Variants in ST8SIA6 observed in about 807,000 individuals in gnomAD.
The protein encoded by ST8SIA6 is ST8 alpha-N-acetyl-neuraminide alpha-2,8-sialyltransferase 6, also known as alpha-2,8-sialyltransferase 8F.
A neutral mutation model predicts 33.6 loss-of-function variants in ST8SIA6; 39 were observed. The ratio of observed to expected loss-of-function variants is 1.16; its 90% CI spans 0.90 to 1.52. ST8SIA6 has a LOEUF of 1.52. ST8SIA6 is among the 40% of genes most tolerant of loss of function. The probability of loss-of-function intolerance (pLI) is 0.00; values close to 1 mark genes in which losing one functional copy is unlikely to be tolerated. For missense variants in ST8SIA6, 441 were observed against 443.8 expected (o/e 0.99, Z 0.06); for synonymous variants, 172 against 167.2 (o/e 1.03, Z -0.22).
intron 3 of ST8SIA6, among the ~76,000 whole-genome samples, chr10:17,365,832 A>G (rs1849541029): frequency 1.3e-5 from 2 of 152,314 alleles, no homozygotes; most frequent in South Asian, 2.1e-4. Flanking sequence ...TTGGTTTCCT[A>G]TGACATCTCT....
At chr10:17,412,580 G>A (rs551059635) in intron 2 of ST8SIA6, among the ~76,000 whole-genome samples, 1 of 152,276 alleles carries the variant, frequency 6.6e-6, no homozygotes, top group South Asian at 2.1e-4. Flanking sequence ...GCCTAGGGGA[G>A]CCAGTCACTG....
At chr10:17,427,398 G>A (rs141231424) in intron 2 of ST8SIA6, among the ~76,000 whole-genome samples, 85 of 152,350 alleles carry the variant, frequency 5.6e-4, no homozygotes, top group African/African-American at 2.0e-3. Flanking sequence ...TCTAGGCCAA[G>A]GTTCTACAAC....
At chr10:17,328,930 C>G (rs1299375834) in intron 5 of ST8SIA6, among the ~76,000 whole-genome samples, 1 of 152,080 alleles carries the variant, frequency 6.6e-6, no homozygotes, top group African/African-American at 2.4e-5. Context: ...GTATTGACAC[C>G]ACTGAATTTG....
intron 2 of ST8SIA6, among the ~76,000 whole-genome samples, chr10:17,416,868 T>G (rs1851624973): frequency 6.6e-6 from 1 of 152,236 alleles, no homozygotes; most frequent in Admixed American, 6.5e-5. Flanking sequence ...GAGGCTTCAC[T>G]TATTATTAGA....
At position 17,338,530 on chromosome 10, in the gene ST8SIA6, CCATAG is replaced by C. The variant is rs1167283701; in HGVS notation, c.378-6983_378-6979del. ...TTGGATGCTTTCCAAAATGGTACCA[CCATAG>C]CATAGATAGTTGTTCCCAAAGTAAT... On this transcript the variant is annotated intron_variant, in intron 4 of 7. Transcript: ENST00000377602. Among the ~76,000 whole-genome samples, 11 of 152,166 alleles carry C rather than the reference CCATAG, an allele frequency of 7.2e-5. No individual in the cohort carries two copies. In the East Asian group the frequency reaches 7.7e-4, roughly 11 times the overall value.
At chr10:17,367,179 T>C (rs1246602124) in intron 3 of ST8SIA6, among the ~76,000 whole-genome samples, 1 of 152,132 alleles carries the variant, frequency 6.6e-6, no homozygotes, top group African/African-American at 2.4e-5. Flanking sequence ...TATGAAGAAA[T>C]ACCCAAGACT....
At chr10:17,445,229 T>G (rs45504992) in intron 2 of ST8SIA6, among the ~76,000 whole-genome samples, 7,903 of 152,256 alleles carry the variant, frequency 0.052, 276 homozygotes, top group Non-Finnish European at 0.076. Context: ...AATAAAACAT[T>G]ATTACAACTT....
rs922072688 is a variant in ST8SIA6 at position 17,329,952 on chromosome 10, G to A, written c.522+1456C>T. On this transcript the variant is annotated intron_variant, in intron 5 of 7. Transcript: ENST00000377602. ...TCATTTCATTAAAACGTTTAATGCC[G>A]TCTTCTTGTGTGCCCAGCAGTTCGT... Among the ~76,000 whole-genome samples the A allele has an allele frequency of 1.4e-4, 21 of 152,210 alleles. No individual in the cohort carries two copies. In the East Asian group the frequency reaches 1.5e-3, roughly 11 times the overall value.
At position 17,317,655 on chromosome 10, in the gene ST8SIA6, C is replaced by G. The variant is rs187294587; in HGVS notation, c.*3223G>C. 1.3e-4 allele frequency among the ~76,000 whole-genome samples: 20 copies of G among 152,228 alleles called. No homozygotes were observed. In the South Asian group the frequency reaches 2.1e-3, roughly 16 times the overall value. On this transcript the variant is annotated 3_prime_UTR_variant, in exon 8 of 8. Coordinates refer to ENST00000377602, the MANE Select transcript of ST8SIA6 (RefSeq NM_001004470.3). ...AATTTTCCACTTTTCCCAAAGCTTCCTAATTCATGGAGTGATTTACGGTAC... is the reference window on the plus strand; with the variant it reads ...AATTTTCCACTTTTCCCAAAGCTTCGTAATTCATGGAGTGATTTACGGTAC...
rs75045869 is a variant in ST8SIA6, at chr10:17,423,747, T to A, written c.200+29812A>T. On this transcript the variant is annotated intron_variant, in intron 2 of 7. Transcript: ENST00000377602. ...CACCAAAATAGATCACTTGTTCCAG[T>A]GCAGTCAGGCATCCCTGATGGGCCC... Among the ~76,000 whole-genome samples the A allele has an allele frequency of 6.5e-3, 993 of 152,322 alleles. 11 individuals carry two copies. The highest frequency in any genetic ancestry group is 0.023 in the African/African-American group (937 of 41,572).
At chr10:17,374,293 CTT>C (rs528564120) in intron 3 of ST8SIA6, among the ~76,000 whole-genome samples, 241 of 152,104 alleles carry the variant, frequency 1.6e-3, no homozygotes, top group Middle Eastern at 3.4e-3. Context: ...CTTTCAAACT[CTT>C]AGACTGTAGT....
rs149223551 is a variant in ST8SIA6, at chr10:17,324,324, A to G, written c.636-1167T>C. ...AATGAATGAAACATGAACTTCCCTC[A>G]TTGATATAAAAGCTATGTCAGAAAA... On this transcript the variant is annotated intron_variant, in intron 6 of 7. Coordinates refer to ENST00000377602, the MANE Select transcript of ST8SIA6 (RefSeq NM_001004470.3). Among the ~76,000 whole-genome samples, 6 of 152,250 alleles carry G rather than the reference A, an allele frequency of 3.9e-5. No homozygotes were observed. In the East Asian group the frequency reaches 1.2e-3, roughly 29 times the overall value.
chr10:17,430,313 G>A (rs908850069), intron 2 of ST8SIA6, among the ~76,000 whole-genome samples: 4 of 152,082 alleles, frequency 2.6e-5, no homozygotes, highest in Admixed American at 6.6e-5. Context: ...GGGCACTTAC[G>A]TCAGTTCCAC....
At chr10:17,400,307 T>C (rs1850988352) in intron 2 of ST8SIA6, among the ~76,000 whole-genome samples, 1 of 152,058 alleles carries the variant, frequency 6.6e-6, no homozygotes, top group Non-Finnish European at 1.5e-5. Flanking sequence ...CCGAGGTTGG[T>C]GGATCACCTA....
chr10:17,322,501 T>A (rs529482169), intron 7 of ST8SIA6, among the ~76,000 whole-genome samples: 3 of 152,324 alleles, frequency 2.0e-5, no homozygotes, highest in East Asian at 1.9e-4. Context: ...ATGCTATAAC[T>A]ATTAGCACGA....
intron 2 of ST8SIA6, among the ~76,000 whole-genome samples, chr10:17,404,867 T>G (rs1305783044): frequency 6.6e-6 from 1 of 152,220 alleles, no homozygotes; most frequent in African/African-American, 2.4e-5. Context: ...TCATGAATAC[T>G]TTCTTCTTTA....
intron 2 of ST8SIA6, among the ~76,000 whole-genome samples, chr10:17,425,499 G>A (rs954508392): frequency 3.3e-5 from 5 of 151,938 alleles, no homozygotes; most frequent in Non-Finnish European, 7.4e-5. Context: ...ACTGTGAGGC[G>A]GAGGCTGCAG....
At chr10:17,370,592 C>A (rs1849700811) in intron 3 of ST8SIA6, among the ~76,000 whole-genome samples, 1 of 152,082 alleles carries the variant, frequency 6.6e-6, no homozygotes, top group African/African-American at 2.4e-5. Flanking sequence ...GAATATTATT[C>A]CTACATAGCT....
At chr10:17,418,401 T>G (rs549667678) in intron 2 of ST8SIA6, among the ~76,000 whole-genome samples, 1 of 152,312 alleles carries the variant, frequency 6.6e-6, no homozygotes, top group East Asian at 1.9e-4. Context: ...ACAAATTTTT[T>G]TTCTGGCATG....
Sources: allele counts gnomAD v4.1 joint callset (sites outside exome capture counted in the v4.1 genomes callset), GRCh38; gene constraint gnomAD v4.1.1; transcripts MANE v1.5; gene names NCBI Gene and HGNC (gene_info 2026-07-23, HGNC 2026-07-21).